Variants in UNC5C observed in about 807,000 individuals in gnomAD.
The protein encoded by UNC5C is unc-5 netrin receptor C, also known as netrin receptor UNC5C.
Under a neutral mutation model 99.8 loss-of-function variants are expected in UNC5C, and 47 were observed. That is an observed-to-expected ratio of 0.47 (90% CI 0.37 to 0.60). UNC5C has a LOEUF of 0.60. Ranked by LOEUF, UNC5C falls within the 20% of genes least tolerant of loss-of-function variation. UNC5C has a pLI of 0.00. For missense variants in UNC5C, 1,062 were observed against 1,165.9 expected, an observed-to-expected ratio of 0.91 and a Z score of 1.30; for synonymous variants, 487 against 452.2, an observed-to-expected ratio of 1.08 and a Z score of -0.98.
chr4:95,428,764 T>G (rs1386076518), intron 1 of UNC5C, among the ~76,000 whole-genome samples: 1 of 152,288 alleles, frequency 6.6e-6, no homozygotes, highest in South Asian at 2.1e-4. Context: ...AGCAGACTAC[T>G]TTTTTGCAAA....
intron 1 of UNC5C, among the ~76,000 whole-genome samples, chr4:95,400,851 T>C (rs749398715): frequency 6.6e-5 from 10 of 152,214 alleles, no homozygotes; most frequent in Admixed American, 5.9e-4. Flanking sequence ...CCTGGTCACG[T>C]AATTCACAGG....
intron 11 of UNC5C, among the ~76,000 whole-genome samples, chr4:95,203,290 G>A (rs1737756176): frequency 6.6e-6 from 1 of 152,024 alleles, no homozygotes; most frequent in Admixed American, 6.5e-5. Context: ...ATTCTACTAT[G>A]TTCTTTCAAA....
intron 8 of UNC5C, 70 bp from the exon 9 acceptor site, chr4:95,219,383 C>G (rs1229894435): frequency 6.9e-7 from 1 of 1,455,162 alleles, no homozygotes; most frequent in African/African-American, 1.4e-5. Context: ...GTCAGACTCC[C>G]CCTCACACTT....
At chr4:95,536,078 A>ATATATG (rs1553907048) in intron 1 of UNC5C, among the ~76,000 whole-genome samples, 6 of 103,654 alleles carry the variant, frequency 5.8e-5, no homozygotes, top group Non-Finnish European at 1.0e-4. Context: ...ATATATATAT[A>ATATATG]TATATTTTTT....
At chr4:95,338,353 G>T (rs979871083) in intron 1 of UNC5C, among the ~76,000 whole-genome samples, 5 of 152,002 alleles carry the variant, frequency 3.3e-5, no homozygotes, top group Admixed American at 3.3e-4. Context: ...TCTAGAGAAA[G>T]TTTTGAAAAT....
intron 1 of UNC5C, among the ~76,000 whole-genome samples, chr4:95,437,689 C>T (rs376307504): frequency 5.9e-5 from 9 of 152,128 alleles, no homozygotes; most frequent in African/African-American, 2.2e-4. Flanking sequence ...TGCAAATTTG[C>T]AAGTAAGTTG....
At chr4:95,198,180 G>A (rs1737509442) in intron 12 of UNC5C, among the ~76,000 whole-genome samples, 1 of 151,966 alleles carries the variant, frequency 6.6e-6, no homozygotes, top group Admixed American at 6.6e-5. Context: ...GTAGAGACGG[G>A]GTTTCACCAT....
intron 1 of UNC5C, among the ~76,000 whole-genome samples, chr4:95,454,237 A>C (rs541155885): frequency 6.6e-6 from 1 of 151,952 alleles, no homozygotes; most frequent in East Asian, 2.0e-4. Context: ...GCATTCTGAC[A>C]TGTCGCAAAA....
chr4:95,319,097 C>G (rs905294500), intron 2 of UNC5C, among the ~76,000 whole-genome samples: 3 of 152,214 alleles, frequency 2.0e-5, no homozygotes, highest in Admixed American at 1.3e-4. Context: ...AACAGAACAT[C>G]TATGTACTCC....
chr4:95,360,321 T>C (rs993522602), intron 1 of UNC5C, among the ~76,000 whole-genome samples: 3 of 152,118 alleles, frequency 2.0e-5, no homozygotes, highest in Non-Finnish European at 4.4e-5. Context: ...ACTGGTAATC[T>C]GTAAGTTAAA....
At chr4:95,289,395 T>A (rs1741361296) in intron 3 of UNC5C, among the ~76,000 whole-genome samples, 1 of 152,200 alleles carries the variant, frequency 6.6e-6, no homozygotes, top group African/African-American at 2.4e-5. Flanking sequence ...AAGAGCTTCA[T>A]GTTGTTATCT....
intron 1 of UNC5C, among the ~76,000 whole-genome samples, chr4:95,497,142 G>A (rs971052152): frequency 2.4e-4 from 37 of 151,794 alleles, no homozygotes; most frequent in African/African-American, 8.2e-4. Context: ...ATAAACATGC[G>A]TGTGCATGTG....
intron 3 of UNC5C, among the ~76,000 whole-genome samples, chr4:95,296,302 T>A (rs1267923720): frequency 6.6e-6 from 1 of 152,196 alleles, no homozygotes; most frequent in African/African-American, 2.4e-5. Flanking sequence ...GAATTATAGG[T>A]GAACTGCTCT....
In UNC5C at chr4:95,164,335, C is replaced by T. The variant is rs1735783992; in HGVS notation, c.*4899G>A. The T allele has an allele frequency of 6.6e-6, 1 of 152,044 alleles. No homozygotes were observed. Among genetic ancestry groups the T allele is most frequent in the South Asian group, 2.1e-4 (1 of 4,828 alleles). The allele number at this position is 152,044 out of a possible 1,614,324, so 9.4% of individuals were successfully genotyped here. ...TATTTATTCCCCCTTATGCCTTATT[C>T]CATTAAAAAGAAATAATTAGAGATG... On this transcript the variant is annotated 3_prime_UTR_variant, in exon 16 of 16. Coordinates refer to ENST00000453304, the MANE Select transcript of UNC5C (RefSeq NM_003728.4).
chr4:95,459,086 C>T (rs1204801889), intron 1 of UNC5C, among the ~76,000 whole-genome samples: 1 of 151,942 alleles, frequency 6.6e-6, no homozygotes, highest in Non-Finnish European at 1.5e-5. Flanking sequence ...GTTATTTGTC[C>T]ACTACATCTA....
chr4:95,406,253 T>C (rs566351954), intron 1 of UNC5C, among the ~76,000 whole-genome samples: 2 of 152,334 alleles, frequency 1.3e-5, no homozygotes, highest in South Asian at 4.1e-4. Flanking sequence ...CTGTTTCCCA[T>C]GTCCCTGCTT....
chr4:95,227,335 T>A (rs902579569), intron 7 of UNC5C, among the ~76,000 whole-genome samples: 1 of 151,714 alleles, frequency 6.6e-6, no homozygotes, highest in Non-Finnish European at 1.5e-5. Flanking sequence ...ATTTTTTTTG[T>A]AGAGATGGGG....
intron 1 of UNC5C, among the ~76,000 whole-genome samples, chr4:95,447,979 G>A (rs1359697947): frequency 6.6e-6 from 1 of 152,056 alleles, no homozygotes; most frequent in East Asian, 1.9e-4. Flanking sequence ...AATAGGAAAG[G>A]GCTTTCATCA....
intron 12 of UNC5C, among the ~76,000 whole-genome samples, chr4:95,192,501 T>TCTCCTCCCCTGCTCCC (rs1737187639): frequency 1.8e-5 from 1 of 54,422 alleles, no homozygotes; most frequent in African/African-American, 7.3e-5. Context: ...CCTTCTCACC[T>TCTCCTCCCCTGCTCCC]CTCCTCCCCT....
Sources: gnomAD v4.1 joint callset for allele counts (sites outside exome capture counted in the v4.1 genomes callset) on GRCh38, gnomAD v4.1.1 for gene constraint, MANE v1.5 for transcripts, NCBI Gene and HGNC (gene_info 2026-07-23, HGNC 2026-07-21) for gene names.